The following ABCA13 variants were observed in gnomAD, a reference collection of about 807,000 sequenced individuals.
ABCA13 encodes the protein ATP-binding cassette sub-family A member 13.
In ABCA13, 476 loss-of-function variants were observed where a neutral mutation model predicts 478.7. The observed-to-expected ratio is 0.99, with a 90% confidence interval of 0.92 to 1.07. The LOEUF (loss-of-function observed/expected upper bound fraction) is 1.07. Ranked by LOEUF, ABCA13 falls within the 50% of genes least tolerant of loss-of-function variation. The pLI, the probability that ABCA13 is intolerant of heterozygous loss-of-function variation, is 0.00. For synonymous variants in ABCA13, 2,252 were observed against 2,158.9 expected (o/e 1.04, Z -1.20); for missense variants, 6,060 against 5,910.6 (o/e 1.03, Z -0.83).
chr7:48,434,954 C>T (rs1585307706), intron 42 of ABCA13, among the ~76,000 whole-genome samples: 1 of 151,790 alleles, frequency 6.6e-6, no homozygotes, highest in Admixed American at 6.6e-5. Context: ...CTCCAAATTT[C>T]TTCATATTTA....
At chr7:48,520,662 C>T (rs1832482164) in intron 53 of ABCA13, among the ~76,000 whole-genome samples, 1 of 152,152 alleles carries the variant, frequency 6.6e-6, no homozygotes, top group Non-Finnish European at 1.5e-5. Context: ...ATTAACTCAT[C>T]GTTTACATTA....
chr7:48,624,811 T>C (rs1793509779), intron 59 of ABCA13, among the ~76,000 whole-genome samples: 2 of 152,198 alleles, frequency 1.3e-5, no homozygotes, highest in Admixed American at 6.5e-5. Flanking sequence ...CGCCTCAGTC[T>C]CCCAAAGTGC....
At chr7:48,330,743 A>G (rs1293117945) in intron 27 of ABCA13, among the ~76,000 whole-genome samples, 1 of 146,476 alleles carries the variant, frequency 6.8e-6, no homozygotes, top group Non-Finnish European at 1.5e-5. Flanking sequence ...TGACACATCC[A>G]TCCATCCATC....
intron 46 of ABCA13, among the ~76,000 whole-genome samples, chr7:48,482,609 G>T (rs917655325): frequency 2.0e-5 from 3 of 151,920 alleles, no homozygotes; most frequent in Admixed American, 6.5e-5. Context: ...GGCCAGGCTG[G>T]TCTCAAACTC....
Position 48,309,904 on chromosome 7 carries a change from C to T in ABCA13, c.9322-43C>T, listed in dbSNP as rs10480933. The T allele has an allele frequency of 0.011, 17,107 of 1,606,050 alleles. 1,131 individuals carry two copies. The African/African-American group carries it at 0.14, about 14-fold the overall frequency. Reference sequence around the variant, plus strand: ...CGGTCTGAGGTGGTGAAGCACATGACGTCATAGGTATACTCACCTCTAATC... The same window carrying T: ...CGGTCTGAGGTGGTGAAGCACATGATGTCATAGGTATACTCACCTCTAATC... On this transcript the variant is annotated intron_variant, in intron 23 of 61. Coordinates refer to ENST00000435803, the MANE Select transcript of ABCA13 (RefSeq NM_152701.5).
chr7:48,420,056 A>T (rs564231950), intron 41 of ABCA13, among the ~76,000 whole-genome samples: 2 of 152,120 alleles, frequency 1.3e-5, no homozygotes, highest in Non-Finnish European at 2.9e-5. Context: ...TTCCTTTCTT[A>T]TGTCTGATAC....
chr7:48,594,589 G>A, intron 57 of ABCA13, 121 bp from the exon 58 acceptor site: 2 of 812,374 alleles, frequency 2.5e-6, no homozygotes, highest in Non-Finnish European at 4.2e-6. Flanking sequence ...AATTGGAGAG[G>A]TGTCTTTTAG....
intron 43 of ABCA13, among the ~76,000 whole-genome samples, chr7:48,465,042 C>T (rs1826713084): frequency 6.6e-6 from 1 of 152,076 alleles, no homozygotes; most frequent in South Asian, 2.1e-4. Context: ...CAGATCTGCC[C>T]AATCAAACAG....
chr7:48,544,607 A>T (rs1784649898), intron 55 of ABCA13, among the ~76,000 whole-genome samples: 1 of 151,842 alleles, frequency 6.6e-6, no homozygotes, highest in Non-Finnish European at 1.5e-5. Flanking sequence ...CCAGAGAGGG[A>T]TGGAAGCTCC....
At position 48,246,017 on chromosome 7, in the gene ABCA13, C is replaced by T; in HGVS notation, c.1646C>T (p.Ser549Leu). 6.2e-7 allele frequency: 1 copy of T among 1,613,440 alleles called. No individual in the cohort carries two copies. Among genetic ancestry groups the T allele is most frequent in the Non-Finnish European group, 8.5e-7 (1 of 1,179,596 alleles). Residue 549 changes from serine (S) to leucine (L), a missense_variant, in exon 13 of 62, where the codon TCA (serine) becomes TTA (leucine). Physicochemically the swap from Ser to Leu is moderately radical, Grantham distance 145. Transcript: ENST00000435803. ...ETSVLNKLLGSVEDADRILQE... is the reference protein window; with the variant it reads ...ETSVLNKLLGLVEDADRILQE... ...AGTGTTTTAAACAAGCTACTTGGTT[C>T]AGTAGAGGATGCTGTAAGTATTCTA... is the stretch of plus-strand genomic sequence containing the variant.
chr7:48,629,627 T>TA (rs1166166840), intron 59 of ABCA13, among the ~76,000 whole-genome samples: 5 of 144,424 alleles, frequency 3.5e-5, no homozygotes, highest in Non-Finnish European at 7.6e-5. Context: ...CTCAGTGGCT[T>TA]AAAAAATCAT....
intron 19 of ABCA13, among the ~76,000 whole-genome samples, chr7:48,285,021 TCTC>T (rs1371758478): frequency 2.0e-5 from 3 of 152,172 alleles, no homozygotes; most frequent in East Asian, 1.9e-4. Context: ...CAACTTTCCT[TCTC>T]CTGATCTAGT....
At chr7:48,212,338 G>A (rs937522690) in intron 3 of ABCA13, among the ~76,000 whole-genome samples, 1 of 152,132 alleles carries the variant, frequency 6.6e-6, no homozygotes, top group Non-Finnish European at 1.5e-5. Flanking sequence ...GGTAGGCAAC[G>A]CAAGACTGTC....
At position 48,276,055 on chromosome 7, in the gene ABCA13, T is replaced by C. The variant is rs763090554; in HGVS notation, c.6389T>C (p.Leu2130Pro). 7.5e-6 allele frequency: 12 copies of C among 1,607,174 alleles called. No homozygotes were observed. The South Asian group carries it at 1.2e-4, about 16-fold the overall frequency. The change falls in exon 17 of 62, where the codon CTT becomes CCT. Residue 2130 changes from leucine (L) to proline (P), a missense_variant. Leu to Pro is a moderately conservative substitution (Grantham distance 98). Coordinates refer to ENST00000435803, the MANE Select transcript of ABCA13 (RefSeq NM_152701.5). Reference protein sequence around the residue: ...EDFLLVTKNWLQEYANEDYSR... With the variant: ...EDFLLVTKNWPQEYANEDYSR... ...TTTCTATTGGTCACAAAAAACTGGC[T>C]TCAGGAATATGCAAATGAGGATTAC...
intron 47 of ABCA13, among the ~76,000 whole-genome samples, chr7:48,483,489 T>C (rs976647461): frequency 3.9e-5 from 6 of 152,252 alleles, no homozygotes; most frequent in Non-Finnish European, 8.8e-5. Context: ...CAAGGAGTAC[T>C]TCCATTCATG....
intron 55 of ABCA13, among the ~76,000 whole-genome samples, chr7:48,555,120 T>A (rs1230068986): frequency 1.3e-5 from 2 of 151,940 alleles, no homozygotes; most frequent in African/African-American, 4.8e-5. Context: ...ATTCTGTTGT[T>A]ATGATGTATC....
At chr7:48,330,839 A>G (rs561534959) in intron 27 of ABCA13, among the ~76,000 whole-genome samples, 1 of 152,268 alleles carries the variant, frequency 6.6e-6, no homozygotes, top group South Asian at 2.1e-4. Flanking sequence ...CCATTTATCC[A>G]AGATGGGGAG....
At chr7:48,541,993 A>G in intron 55 of ABCA13, among the ~76,000 whole-genome samples, 1 of 151,604 alleles carries the variant, frequency 6.6e-6, no homozygotes, top group East Asian at 1.9e-4. Flanking sequence ...AAAACTGTAT[A>G]AATACGTTAA....
chr7:48,534,175 C>T (rs116903993), intron 55 of ABCA13, among the ~76,000 whole-genome samples: 254 of 152,098 alleles, frequency 1.7e-3, no homozygotes, highest in Non-Finnish European at 3.0e-3. Context: ...CTGGTAGTGG[C>T]GAATTCTCTC....
Sources: gnomAD v4.1 joint callset for allele counts (sites outside exome capture counted in the v4.1 genomes callset) on GRCh38, gnomAD v4.1.1 for gene constraint, MANE v1.5 for transcripts, NCBI Gene and HGNC (gene_info 2026-07-23, HGNC 2026-07-21) for gene names.